Variants in CRY2 observed in about 807,000 individuals in gnomAD.
CRY2 encodes the protein cryptochrome circadian regulator 2.
CRY2 carries 31 observed loss-of-function variants against 69.5 expected under a neutral mutation model. That is an observed-to-expected ratio of 0.45 (90% confidence interval 0.34 to 0.60). CRY2 has a LOEUF of 0.60. Among genes scored for constraint, CRY2 ranks in the 20% least tolerant of loss-of-function variants. The probability of loss-of-function intolerance (pLI) is 0.02; values close to 1 mark genes in which losing one functional copy is unlikely to be tolerated. For synonymous variants in CRY2, 303 were observed against 312.2 expected, an observed-to-expected ratio of 0.97 and a Z score of 0.31; for missense variants, 606 against 797.8, an observed-to-expected ratio of 0.76 and a Z score of 2.90.
intron 11 of CRY2, among the ~76,000 whole-genome samples, chr11:45,877,654 T>C (rs887049087): frequency 1.3e-5 from 2 of 152,236 alleles, no homozygotes; most frequent in African/African-American, 2.4e-5. Flanking sequence ...GATTTTTCAG[T>C]GAATGTTTTA....
chr11:45,867,546 A>C, intron 5 of CRY2, 66 bp from the exon 6 acceptor site: 6 of 1,599,676 alleles, frequency 3.8e-6, no homozygotes, highest in Non-Finnish European at 4.3e-6. Flanking sequence ...TAACCACCCA[A>C]TGCCTCCATT....
chr11:45,870,698 C>T, intron 9 of CRY2, 144 bp from the exon 10 acceptor site: 2 of 1,107,878 alleles, frequency 1.8e-6, no homozygotes, highest in African/African-American at 3.1e-5. Context: ...ACTGGGCCTT[C>T]CTGAGTAGTT....
At position 45,870,847 on chromosome 11, in the gene CRY2, C is replaced by T. The variant is rs746725224; in HGVS notation, c.1555C>T (p.Leu519=). ...QLSRYRGLCL[L]ASVPSCVEDL... ...ACTCCTCGCCTCTCTCCCAGGTCTA[C>T]TGGCATCTGTCCCTTCCTGTGTGGA... The change falls in exon 10 of 12, where the codon CTG becomes TTG. Residue 519 remains leucine (L), a synonymous_variant. Coordinates refer to ENST00000616080, the MANE Select transcript of CRY2 (RefSeq NM_021117.5). 6.2e-7 allele frequency: 1 copy of T among 1,613,508 alleles called. No homozygotes were observed. Among genetic ancestry groups the T allele is most frequent in the South Asian group, 1.1e-5 (1 of 91,064 alleles).
In CRY2 at chr11:45,861,015, C is replaced by T; in HGVS notation, c.635C>T (p.Pro212Leu). Reference sequence around the variant, plus strand: ...AACCACGACGAGACCTACGGCGTGCCCTCCCTGGAGGAGCTGGGTGCGTAC... The same window carrying T: ...AACCACGACGAGACCTACGGCGTGCTCTCCCTGGAGGAGCTGGGTGCGTAC... ...QENHDETYGV[P>L]SLEELGFPTE... Residue 212 changes from proline (P) to leucine (L), a missense_variant, in exon 4 of 12, where the codon CCC becomes CTC. Physicochemically the swap from Pro to Leu is moderately conservative, Grantham distance 98. Around this residue, in one of 5 missense-constraint regions of CRY2, gnomAD observed 382 missense variants for 508.9 expected, o/e 0.75. Transcript: ENST00000616080. 1 of 1,613,114 alleles carries T rather than the reference C, an allele frequency of 6.2e-7. No homozygotes were observed. The highest frequency in any genetic ancestry group is 8.5e-7 in the Non-Finnish European group (1 of 1,179,894).
At chr11:45,862,549 T>G (rs1231994829) in intron 5 of CRY2, among the ~76,000 whole-genome samples, 2 of 152,232 alleles carry the variant, frequency 1.3e-5, no homozygotes, top group Non-Finnish European at 2.9e-5. Context: ...CAAAAGTGTT[T>G]CAGATTTTAG....
intron 5 of CRY2, among the ~76,000 whole-genome samples, chr11:45,862,730 T>G (rs1478204285): frequency 6.6e-6 from 1 of 152,180 alleles, no homozygotes; most frequent in Non-Finnish European, 1.5e-5. Context: ...TCTCCGCACC[T>G]TTTTGCTGGA....
rs1198794815 is a variant in CRY2 at position 45,870,331 on chromosome 11, C to T, written c.1348C>T (p.Arg450Ter). ...RTDPSGDYIR[R>*]YLPKLKAFPS... ...GTCATCTGGTGTATCTTATTTCAGG[C>T]GATACCTGCCCAAATTGAAAGCGTT... The change falls in exon 9 of 12, where the codon CGA becomes TGA. Residue 450 changes from arginine (R) to a stop codon, truncating the protein, a stop_gained and splice_region_variant. Coordinates refer to ENST00000616080, the MANE Select transcript of CRY2 (RefSeq NM_021117.5). LOFTEE classifies it high-confidence loss of function. 2 of 1,614,124 alleles carry T rather than the reference C, an allele frequency of 1.2e-6. No individual in the cohort carries two copies. Among genetic ancestry groups the T allele is most frequent in the East Asian group, 2.2e-5 (1 of 44,882 alleles).
chr11:45,883,075 G>A lies in CRY2; in HGVS notation c.*2164G>A. 1 of 227,896 alleles carries A rather than the reference G, an allele frequency of 4.4e-6. No individual in the cohort carries two copies. Among genetic ancestry groups the A allele is most frequent in the Non-Finnish European group, 8.5e-6 (1 of 117,358 alleles). The allele number at this position is 227,896 out of a possible 1,614,324, so 14.1% of individuals were successfully genotyped here. A position where few individuals can be genotyped will look rare whatever the true frequency, so the allele number is the denominator to read the frequency against. On this transcript the variant is annotated 3_prime_UTR_variant, in exon 12 of 12. Coordinates refer to ENST00000616080, the MANE Select transcript of CRY2 (RefSeq NM_021117.5). Reference sequence around the variant, plus strand: ...CTTCTCCCAGCTCAGGTGGCCCTGAGGGCTCCCTCGGAACAGTGCCTCAAA... The same window carrying A: ...CTTCTCCCAGCTCAGGTGGCCCTGAAGGCTCCCTCGGAACAGTGCCTCAAA...
chr11:45,870,800 C>A, intron 9 of CRY2, 42 bp from the exon 10 acceptor site: 1 of 1,537,996 alleles, frequency 6.5e-7, no homozygotes, highest in Non-Finnish European at 9.0e-7. Context: ...CCTCTGCAAT[C>A]CTGCGAGACG....
intron 1 of CRY2, among the ~76,000 whole-genome samples, 164 bp downstream of exon 1, chr11:45,847,869 C>G (rs1238587873): frequency 1.3e-5 from 2 of 152,178 alleles, no homozygotes; most frequent in Non-Finnish European, 2.9e-5. Flanking sequence ...GCCGGTGGGC[C>G]AGGGTTCAGC....
chr11:45,870,645 G>T, intron 9 of CRY2, 113 bp downstream of exon 9: 2 of 1,343,976 alleles, frequency 1.5e-6, no homozygotes, highest in South Asian at 2.6e-5. Context: ...TGTCTTTCAG[G>T]TTGACACCTT....
At chr11:45,873,413 G>C (rs1028738699) in intron 11 of CRY2, among the ~76,000 whole-genome samples, 2 of 152,208 alleles carry the variant, frequency 1.3e-5, no homozygotes, top group Non-Finnish European at 2.9e-5. Flanking sequence ...GGACAGATGT[G>C]TGCTATCTTG....
Position 45,860,975 on chromosome 11 carries a change from G to C in CRY2, c.595G>C (p.Ala199Pro). The C allele has an allele frequency of 6.2e-7, 1 of 1,614,002 alleles. No homozygotes were observed. Among genetic ancestry groups the C allele is most frequent in the Non-Finnish European group, 8.5e-7 (1 of 1,180,036 alleles). The change falls in exon 4 of 12, where the codon GCC becomes CCC. Residue 199 changes from alanine (A) to proline (P), a missense_variant. Ala to Pro is a conservative substitution (Grantham distance 27). Coordinates refer to ENST00000616080, the MANE Select transcript of CRY2 (RefSeq NM_021117.5). Reference protein sequence around the residue: ...VTSQQMESCRAEIQENHDETY... With the variant: ...VTSQQMESCRPEIQENHDETY... ...CAGCCAGCAGATGGAGAGCTGCAGG[G>C]CCGAGATCCAGGAGAACCACGACGA...
intron 11 of CRY2, among the ~76,000 whole-genome samples, chr11:45,874,541 A>G (rs1213392516): frequency 6.6e-6 from 1 of 152,168 alleles, no homozygotes; most frequent in African/African-American, 2.4e-5. Context: ...TTTGCCAGAC[A>G]CCATTCCAGG....
Position 45,870,506 on chromosome 11 carries a change from A to G in CRY2, c.1523A>G (p.Gln508Arg). 6.2e-7 allele frequency: 1 copy of G among 1,614,188 alleles called. No homozygotes were observed. Among genetic ancestry groups the G allele is most frequent in the Non-Finnish European group, 8.5e-7 (1 of 1,180,036 alleles). Residue 508 changes from glutamine to arginine, a missense_variant, in exon 9 of 12, where the codon CAG (glutamine) becomes CGG (arginine). Transcript: ENST00000616080. Reference sequence around the variant, plus strand: ...ATTGAACGAATGAAGCAGATTTACCAGCAGCTTTCGCGCTACCGGGGACTC... The same window carrying G: ...ATTGAACGAATGAAGCAGATTTACCGGCAGCTTTCGCGCTACCGGGGACTC... ...LNIERMKQIYQQLSRYRGLCL... is the reference protein window; with the variant it reads ...LNIERMKQIYRQLSRYRGLCL...
At chr11:45,866,732 G>C (rs951764854) in intron 5 of CRY2, among the ~76,000 whole-genome samples, 1 of 152,300 alleles carries the variant, frequency 6.6e-6, no homozygotes, top group Non-Finnish European at 1.5e-5. Context: ...AGGCTGAAGA[G>C]AGTCAAGGTT....
intron 11 of CRY2, among the ~76,000 whole-genome samples, chr11:45,877,231 C>T (rs999732040): frequency 1.3e-5 from 2 of 152,196 alleles, no homozygotes; most frequent in Admixed American, 1.3e-4. Flanking sequence ...GCTGTACTTC[C>T]CTGACCCTCA....
chr11:45,879,810 C>T (rs1415606008), intron 11 of CRY2, among the ~76,000 whole-genome samples: 1 of 152,212 alleles, frequency 6.6e-6, no homozygotes, highest in Non-Finnish European at 1.5e-5. Context: ...GTTCTGGAGG[C>T]TGGAAGTCTA....
intron 10 of CRY2, 127 bp downstream of exon 10, chr11:45,871,061 G>A (rs528419821): frequency 2.8e-6 from 2 of 712,256 alleles, no homozygotes; most frequent in Non-Finnish European, 4.6e-6. Context: ...CAGTCAGATA[G>A]TAAAGAAACC....
Sources: allele counts gnomAD v4.1 joint callset (sites outside exome capture counted in the v4.1 genomes callset), GRCh38; gene constraint gnomAD v4.1.1; regional missense constraint gnomAD v4.1.1; transcripts MANE v1.5; gene names NCBI Gene and HGNC (gene_info 2026-07-23, HGNC 2026-07-21).